HIVEP3: variants seen among roughly 807,000 people sequenced by gnomAD.
HIVEP3 encodes the protein HIVEP zinc finger 3, also known as transcription factor HIVEP3.
HIVEP3 carries 49 observed loss-of-function variants against 152.8 expected under a neutral mutation model. That is an observed-to-expected ratio of 0.32 (90% CI 0.26 to 0.41). The LOEUF (loss-of-function observed/expected upper bound fraction) is 0.41. Ranked by LOEUF, HIVEP3 falls within the 10% of genes least tolerant of loss-of-function variation. HIVEP3 has a pLI of 1.00. For missense variants in HIVEP3, 2,790 were observed against 3,103.3 expected (o/e 0.90, Z 2.40); for synonymous variants, 1,269 against 1,289.0 (o/e 0.98, Z 0.33).
chr1:41,820,063 G>C (rs1274382262), intron 1 of HIVEP3, among the ~76,000 whole-genome samples: 1 of 151,940 alleles, frequency 6.6e-6, no homozygotes, highest in Non-Finnish European at 1.5e-5. Flanking sequence ...ACAGGTGGTG[G>C]GCTGGAACTG....
chr1:41,643,403 C>T (rs1393783690), intron 2 of HIVEP3, among the ~76,000 whole-genome samples: 3 of 152,222 alleles, frequency 2.0e-5, no homozygotes, highest in Non-Finnish European at 4.4e-5. Flanking sequence ...GAACATGTCC[C>T]GTCTGTACCC....
At chr1:41,513,781 C>G (rs775008844) in intron 7 of HIVEP3, 31 bp from the exon 8 acceptor site, 8 of 1,507,568 alleles carry the variant, frequency 5.3e-6, no homozygotes, top group Non-Finnish European at 3.6e-6. Flanking sequence ...CCCAAGGTCA[C>G]AGTTGGGCCT....
intron 1 of HIVEP3, among the ~76,000 whole-genome samples, chr1:41,833,385 T>A (rs1374292389): frequency 6.6e-6 from 1 of 151,814 alleles, no homozygotes; most frequent in Admixed American, 6.6e-5. Context: ...AGGTCTTGAG[T>A]CCACTGACCA....
At chr1:41,972,414 A>T (rs1194600724) in intron 1 of HIVEP3, among the ~76,000 whole-genome samples, 1 of 152,208 alleles carries the variant, frequency 6.6e-6, no homozygotes, top group Non-Finnish European at 1.5e-5. Flanking sequence ...CTCCTGTTAG[A>T]GGCAAGGCAG....
chr1:42,035,290 G>A (rs1365588678), intron 1 of HIVEP3, among the ~76,000 whole-genome samples: 2 of 152,198 alleles, frequency 1.3e-5, no homozygotes. Flanking sequence ...CCCAGAGCCG[G>A]GATGCCGGCA....
chr1:41,701,344 T>G (rs928345183), intron 1 of HIVEP3, among the ~76,000 whole-genome samples: 1 of 152,254 alleles, frequency 6.6e-6, no homozygotes, highest in Non-Finnish European at 1.5e-5. Flanking sequence ...CTCATTGTAA[T>G]TCACTCATTC....
At chr1:41,714,450 G>C (rs549544936) in intron 1 of HIVEP3, among the ~76,000 whole-genome samples, 35 of 152,290 alleles carry the variant, frequency 2.3e-4, no homozygotes, top group Admixed American at 9.8e-4. Context: ...CTAATGACTG[G>C]ATAAAGAAAT....
At chr1:42,011,646 G>A (rs946449047) in intron 1 of HIVEP3, among the ~76,000 whole-genome samples, 1 of 152,112 alleles carries the variant, frequency 6.6e-6, no homozygotes, top group African/African-American at 2.4e-5. Flanking sequence ...TTGCCCATTG[G>A]CCTCTATCCC....
At chr1:41,927,699 C>G (rs1002924858) in intron 1 of HIVEP3, among the ~76,000 whole-genome samples, 3 of 152,126 alleles carry the variant, frequency 2.0e-5, no homozygotes, top group Non-Finnish European at 2.9e-5. Flanking sequence ...CCGATAATCA[C>G]AGTCCACAAA....
At chr1:41,800,384 T>C (rs1157516791) in intron 1 of HIVEP3, among the ~76,000 whole-genome samples, 1 of 152,122 alleles carries the variant, frequency 6.6e-6, no homozygotes, top group Non-Finnish European at 1.5e-5. Context: ...TGCCATGCCA[T>C]GGAGGAGCTG....
chr1:41,928,507 G>A (rs962753439), intron 1 of HIVEP3, among the ~76,000 whole-genome samples: 5 of 152,108 alleles, frequency 3.3e-5, no homozygotes, highest in Admixed American at 2.0e-4. Flanking sequence ...ATTGAGATTG[G>A]TACAATAGTA....
chr1:41,593,188 T>C (rs1644613301), intron 3 of HIVEP3, among the ~76,000 whole-genome samples: 1 of 152,142 alleles, frequency 6.6e-6, no homozygotes, highest in East Asian at 1.9e-4. Context: ...CACTGCAGAA[T>C]TGTACCATCC....
intron 1 of HIVEP3, among the ~76,000 whole-genome samples, chr1:41,948,768 T>C (rs1225288270): frequency 6.6e-6 from 1 of 151,358 alleles, no homozygotes; most frequent in Non-Finnish European, 1.5e-5. Flanking sequence ...CACCAAACCT[T>C]TCCCTTAGGC....
chr1:41,643,032 C>A (rs534753252), intron 2 of HIVEP3, among the ~76,000 whole-genome samples: 19 of 152,292 alleles, frequency 1.2e-4, no homozygotes, highest in African/African-American at 4.1e-4. Context: ...TAAGTTCCTA[C>A]GCCCATGAGC....
At chr1:41,621,647 G>A (rs922610968) in intron 3 of HIVEP3, among the ~76,000 whole-genome samples, 1 of 152,196 alleles carries the variant, frequency 6.6e-6, no homozygotes, top group African/African-American at 2.4e-5. Context: ...CAATATTTAG[G>A]ACTACAGGAG....
intron 1 of HIVEP3, among the ~76,000 whole-genome samples, chr1:41,992,231 A>G (rs370064092): frequency 3.3e-5 from 5 of 152,206 alleles, no homozygotes; most frequent in Non-Finnish European, 7.4e-5. Flanking sequence ...AGATGACATG[A>G]TTGTATATCT....
At position 41,747,710 on chromosome 1, in the gene HIVEP3, C is replaced by T. The variant is rs570068832; in HGVS notation, c.-800-46715G>A. 2.6e-5 allele frequency among the ~76,000 whole-genome samples: 4 copies of T among 152,288 alleles called. No individual in the cohort carries two copies. In the South Asian group the frequency reaches 8.3e-4, roughly 32 times the overall value. On this transcript the variant is annotated intron_variant, in intron 1 of 8. Coordinates refer to ENST00000372583, the MANE Select transcript of HIVEP3 (RefSeq NM_024503.5). ...CAAGTCATTGAATATACACCTATGT[C>T]ACCATCTTTAATAGCTGCATAGTAT...
intron 2 of HIVEP3, among the ~76,000 whole-genome samples, chr1:41,671,268 T>C (rs1032453303): frequency 2.6e-5 from 4 of 152,238 alleles, no homozygotes; most frequent in African/African-American, 9.6e-5. Flanking sequence ...TCGCCTTTCC[T>C]CTGCTACACA....
At chr1:42,035,264 A>C (rs1387647203) in intron 1 of HIVEP3, among the ~76,000 whole-genome samples, 1 of 152,198 alleles carries the variant, frequency 6.6e-6, no homozygotes, top group African/African-American at 2.4e-5. Context: ...GGCGCCCTGC[A>C]GCAGCAGCCT....
Sources: allele counts gnomAD v4.1 joint callset (sites outside exome capture counted in the v4.1 genomes callset), GRCh38; gene constraint gnomAD v4.1.1; transcripts MANE v1.5; gene names NCBI Gene and HGNC (gene_info 2026-07-23, HGNC 2026-07-21).